Variants in SLC9A2 observed in about 807,000 individuals in gnomAD.
SLC9A2 encodes the protein solute carrier family 9 member A2.
In SLC9A2, 42 loss-of-function variants were observed where a neutral mutation model predicts 71.7. The observed-to-expected ratio is 0.59, with a 90% CI of 0.46 to 0.76. SLC9A2 has a LOEUF of 0.76. Ranked by LOEUF, SLC9A2 falls within the 30% of genes least tolerant of loss-of-function variation. SLC9A2 has a pLI of 0.00. For synonymous variants in SLC9A2, 396 were observed against 392.5 expected, an observed-to-expected ratio of 1.01 and a Z score of -0.10; for missense variants, 829 against 1,017.4, an observed-to-expected ratio of 0.81 and a Z score of 2.52.
chr2:102,642,303 G>A (rs1676598735), intron 1 of SLC9A2, among the ~76,000 whole-genome samples: 1 of 152,140 alleles, frequency 6.6e-6, no homozygotes, highest in Admixed American at 6.5e-5. Context: ...GAACCAGTCA[G>A]GCTTTCTGAA....
At chr2:102,629,981 A>G (rs1676326721) in intron 1 of SLC9A2, among the ~76,000 whole-genome samples, 1 of 152,126 alleles carries the variant, frequency 6.6e-6, no homozygotes, top group African/African-American at 2.4e-5. Context: ...AATGGTATCA[A>G]ATAAATTCCT....
chr2:102,684,343 A>G lies in SLC9A2; in HGVS notation c.1425+7A>G. On this transcript the variant is annotated splice_region_variant and intron_variant, in intron 5 of 11. Coordinates refer to ENST00000233969, the MANE Select transcript of SLC9A2 (RefSeq NM_003048.6). ...CTTTACTGTCTTCATTCTGGTAAGT[A>G]GAGTGATCCCTTTACCAGGAGGGTA... 1 of 1,610,666 alleles carries G rather than the reference A, an allele frequency of 6.2e-7. No individual in the cohort carries two copies. Among genetic ancestry groups the G allele is most frequent in the Non-Finnish European group, 8.5e-7 (1 of 1,176,780 alleles).
chr2:102,693,509 T>C (rs1358108112), intron 5 of SLC9A2, among the ~76,000 whole-genome samples: 2 of 152,248 alleles, frequency 1.3e-5, no homozygotes, highest in Non-Finnish European at 2.9e-5. Context: ...GGAATTTTTC[T>C]CCTCCTAGTT....
chr2:102,680,523 G>A lies in SLC9A2; in HGVS notation c.1005-2738G>A, dbSNP rs370872335. ...AGGAGGTTCCAGGATTTCACGTCAA[G>A]TCAGTGTGACAGAGCTCCTGCTAGC... On this transcript the variant is annotated intron_variant, in intron 3 of 11. Coordinates refer to ENST00000233969, the MANE Select transcript of SLC9A2 (RefSeq NM_003048.6). Among the ~76,000 whole-genome samples, 27 of 152,132 alleles carry A rather than the reference G, an allele frequency of 1.8e-4. 1 individual carries two copies. The East Asian group carries it at 2.1e-3, about 12-fold the overall frequency.
chr2:102,643,914 T>A (rs1676661758), intron 1 of SLC9A2, among the ~76,000 whole-genome samples: 1 of 151,978 alleles, frequency 6.6e-6, no homozygotes, highest in South Asian at 2.1e-4. Context: ...TTCTTACTTT[T>A]TTTTTTTTGC....
intron 3 of SLC9A2, among the ~76,000 whole-genome samples, chr2:102,673,115 C>G (rs1258532482): frequency 6.6e-6 from 1 of 152,082 alleles, no homozygotes. Context: ...TGAAGCTAGT[C>G]AGTCTTCCCT....
At chr2:102,653,432 G>T (rs1676873436) in intron 1 of SLC9A2, among the ~76,000 whole-genome samples, 2 of 152,186 alleles carry the variant, frequency 1.3e-5, no homozygotes, top group South Asian at 4.1e-4. Context: ...CCTTTGGCAT[G>T]ATGTTCTGGT....
chr2:102,705,028 C>T lies in SLC9A2; in HGVS notation c.1977+353C>T, dbSNP rs112865117. 6.1e-4 allele frequency among the ~76,000 whole-genome samples: 93 copies of T among 152,046 alleles called. No homozygotes were observed. In the East Asian group the frequency reaches 0.017, roughly 28 times the overall value. On this transcript the variant is annotated intron_variant, in intron 10 of 11. Coordinates refer to ENST00000233969, the MANE Select transcript of SLC9A2 (RefSeq NM_003048.6). ...ACCAGCCTGGGCAACACGGTGAAAC[C>T]CCATCTCTACTAAAATACAAAAAAA...
chr2:102,643,301 C>T (rs561106302), intron 1 of SLC9A2, among the ~76,000 whole-genome samples: 41 of 152,244 alleles, frequency 2.7e-4, no homozygotes, highest in Admixed American at 2.7e-3. Flanking sequence ...AATAGAAAAG[C>T]CAGGGTGTTC....
At chr2:102,684,050 G>C (rs557738818) in intron 4 of SLC9A2, 84 bp from the exon 5 acceptor site, 1 of 1,006,744 alleles carries the variant, frequency 9.9e-7, no homozygotes, top group Non-Finnish European at 1.5e-6. Flanking sequence ...TGTCCCCATC[G>C]CAGAAGCACA....
intron 5 of SLC9A2, among the ~76,000 whole-genome samples, chr2:102,690,309 C>T (rs368341357): frequency 1.1e-4 from 16 of 152,106 alleles, no homozygotes; most frequent in Admixed American, 6.5e-4. Flanking sequence ...GATGTAGTGA[C>T]GCCGTGATGA....
At chr2:102,665,905 G>A (rs886245379) in intron 3 of SLC9A2, among the ~76,000 whole-genome samples, 6 of 151,388 alleles carry the variant, frequency 4.0e-5, no homozygotes, top group Admixed American at 3.3e-4. Flanking sequence ...ACATTCTTCT[G>A]GGTCTCATGA....
chr2:102,702,428 A>G lies in SLC9A2; in HGVS notation c.1771A>G (p.Arg591Gly). 3 of 1,594,348 alleles carry G rather than the reference A, an allele frequency of 1.9e-6. No individual in the cohort carries two copies. Among genetic ancestry groups the G allele is most frequent in the Non-Finnish European group, 2.6e-6 (3 of 1,170,628 alleles). The stretch of plus-strand genomic sequence containing the variant: ...CAGTGATTGTCGTGAAGAAAAAATA[A>G]GGAAGGTCACGTCCAGTGAAACTGA... ...SLNDCREEKI[R>G]KVTSSETDEI... Residue 591 changes from arginine to glycine, a missense_variant, in exon 9 of 12, where the codon AGG becomes GGG. Arg to Gly is a moderately radical substitution (Grantham distance 125). Transcript: ENST00000233969.
rs542930086 is a variant in SLC9A2 at position 102,685,473 on chromosome 2, G to A, written c.1425+1137G>A. Among the ~76,000 whole-genome samples, 7 of 152,328 alleles carry A rather than the reference G, an allele frequency of 4.6e-5. No homozygotes were observed. The East Asian group carries it at 5.8e-4, about 13-fold the overall frequency. ...CACTGTGTTGAGAATAGACTGTTGCGAGGAAAGGGTGAATGTTGGAATCCA... is the reference window on the plus strand; with the variant it reads ...CACTGTGTTGAGAATAGACTGTTGCAAGGAAAGGGTGAATGTTGGAATCCA... On this transcript the variant is annotated intron_variant, in intron 5 of 11. Transcript: ENST00000233969.
intron 1 of SLC9A2, among the ~76,000 whole-genome samples, chr2:102,635,548 G>C (rs964300964): frequency 2.0e-5 from 3 of 152,238 alleles, no homozygotes; most frequent in Admixed American, 6.5e-5. Flanking sequence ...GATTATTTAT[G>C]TGTGAGTTGG....
At chr2:102,693,043 T>G (rs1434021638) in intron 5 of SLC9A2, among the ~76,000 whole-genome samples, 2 of 151,316 alleles carry the variant, frequency 1.3e-5, no homozygotes, top group East Asian at 1.9e-4. Flanking sequence ...GATACTAGTA[T>G]ATACTAGTAT....
chr2:102,683,570 T>G, intron 4 of SLC9A2, 92 bp downstream of exon 4: 2 of 946,702 alleles, frequency 2.1e-6, no homozygotes, highest in East Asian at 5.0e-5. Flanking sequence ...CTGTTGTGGA[T>G]TCTTTTATGT....
intron 1 of SLC9A2, among the ~76,000 whole-genome samples, chr2:102,628,650 T>G (rs1329555615): frequency 6.6e-6 from 1 of 152,142 alleles, no homozygotes; most frequent in Non-Finnish European, 1.5e-5. Flanking sequence ...TATTTTATTC[T>G]GACTCAATAA....
intron 7 of SLC9A2, among the ~76,000 whole-genome samples, chr2:102,696,884 C>T (rs1003440881): frequency 1.9e-4 from 29 of 152,144 alleles, no homozygotes; most frequent in African/African-American, 5.3e-4. Context: ...GAAGTATTCC[C>T]TTTTCTGGAG....
Sources: allele counts gnomAD v4.1 joint callset (sites outside exome capture counted in the v4.1 genomes callset), GRCh38; gene constraint gnomAD v4.1.1; transcripts MANE v1.5; gene names NCBI Gene and HGNC (gene_info 2026-07-23, HGNC 2026-07-21).